Variants in CSNK1G3 observed in about 807,000 individuals in gnomAD.
CSNK1G3 encodes casein kinase I isoform gamma-3.
In CSNK1G3, 23 loss-of-function variants were observed where a neutral mutation model predicts 64.3. The ratio of observed to expected loss-of-function variants is 0.36; its 90% CI spans 0.26 to 0.51. CSNK1G3 has a LOEUF of 0.51. CSNK1G3 is among the 20% of genes least tolerant of loss of function. The probability of loss-of-function intolerance (pLI) is 0.96; values close to 1 mark genes in which losing one functional copy is unlikely to be tolerated. For missense variants in CSNK1G3, 357 were observed against 510.5 expected (o/e 0.70, Z 2.90); for synonymous variants, 158 against 162.2 (o/e 0.97, Z 0.20).
At chr5:123,552,011 T>C (rs1423317633) in intron 2 of CSNK1G3, among the ~76,000 whole-genome samples, 1 of 152,220 alleles carries the variant, frequency 6.6e-6, no homozygotes, top group Non-Finnish European at 1.5e-5. Context: ...TGGAATTTTC[T>C]AGATTATTTT....
At chr5:123,608,511 T>G (rs1795757168) in intron 12 of CSNK1G3, among the ~76,000 whole-genome samples, 1 of 152,178 alleles carries the variant, frequency 6.6e-6, no homozygotes, top group Non-Finnish European at 1.5e-5. Flanking sequence ...TTTAGTTTAA[T>G]TATTTACTTT....
intron 1 of CSNK1G3, among the ~76,000 whole-genome samples, chr5:123,533,725 G>A (rs1364187783): frequency 1.3e-5 from 2 of 151,668 alleles, no homozygotes; most frequent in Non-Finnish European, 2.9e-5. Flanking sequence ...AAAAGCCCTT[G>A]GGGGCTAATT....
chr5:123,557,440 G>A (rs1160945441), intron 3 of CSNK1G3, 55 bp from the exon 4 acceptor site: 26 of 1,309,888 alleles, frequency 2.0e-5, no homozygotes, highest in Admixed American at 9.2e-5. Context: ...TTTGTGTTGG[G>A]ACCTAGTGCT....
chr5:123,533,083 T>A (rs1447846391), intron 1 of CSNK1G3, among the ~76,000 whole-genome samples: 10 of 151,950 alleles, frequency 6.6e-5, no homozygotes, highest in Admixed American at 5.9e-4. Flanking sequence ...GGGTAGTTAT[T>A]AAGTTTACTT....
chr5:123,512,384 CCT>C (rs1215938220), exon 1 of CSNK1G3: 3 of 151,992 alleles, frequency 2.0e-5, no homozygotes, highest in African/African-American at 4.8e-5. Flanking sequence ...CGCTGCGTTA[CCT>C]CTCTCTCTCG....
chr5:123,606,298 C>T (rs1457298079), intron 12 of CSNK1G3, among the ~76,000 whole-genome samples: 2 of 151,748 alleles, frequency 1.3e-5, no homozygotes, highest in African/African-American at 2.4e-5. Flanking sequence ...GAAATAAATC[C>T]GTGAAAGTAT....
chr5:123,553,037 A>C (rs1783990319), intron 2 of CSNK1G3, 70 bp from the exon 3 acceptor site: 2 of 821,096 alleles, frequency 2.4e-6, no homozygotes, highest in Middle Eastern at 2.5e-4. Context: ...TTTTTTTCAG[A>C]GTACAGTTTT....
intron 3 of CSNK1G3, 118 bp from the exon 4 acceptor site, chr5:123,557,377 G>A: frequency 4.5e-6 from 3 of 659,960 alleles, no homozygotes; most frequent in Non-Finnish European, 7.9e-6. Flanking sequence ...CTTAGACAAA[G>A]ATGCCTGGTA....
Position 123,603,741 on chromosome 5 carries a change from A to C in CSNK1G3, c.1087-983A>C, listed in dbSNP as rs201953431. On this transcript the variant is annotated intron_variant, in intron 10 of 12. Coordinates refer to ENST00000345990, the Ensembl canonical transcript of CSNK1G3. ...AATAAGTAGGAAGAGAATTCTAGGC[A>C]GTGACAATAGGTAATGCCAAGGCCT... Among the ~76,000 whole-genome samples, 21 of 152,256 alleles carry C rather than the reference A, an allele frequency of 1.4e-4. No homozygotes were observed. The East Asian group carries it at 3.7e-3, about 27-fold the overall frequency.
chr5:123,604,586 T>C lies in CSNK1G3; in HGVS notation c.1087-138T>C. The C allele has an allele frequency of 8.1e-6, 4 of 493,658 alleles. No homozygotes were observed. The South Asian group carries it at 1.4e-4, about 18-fold the overall frequency. 30.6% of individuals were successfully genotyped at this position (493,658 alleles called of 1,614,324 possible). A position where few individuals can be genotyped will look rare whatever the true frequency, so the allele number is the denominator to read the frequency against. On this transcript the variant is annotated intron_variant, in intron 10 of 12. Transcript: ENST00000345990. The stretch of plus-strand genomic sequence containing the variant: ...AGTTATGAACAGCTACATATTGTTT[T>C]GTGTTCCTCACATTAACTTTCTAAT...
At chr5:123,533,141 A>G (rs1034197151) in intron 1 of CSNK1G3, among the ~76,000 whole-genome samples, 1 of 151,630 alleles carries the variant, frequency 6.6e-6, no homozygotes, top group Non-Finnish European at 1.5e-5. Context: ...TTACATCTCT[A>G]TTTCTTGTTT....
At chr5:123,544,850 G>A (rs978720099) in intron 1 of CSNK1G3, among the ~76,000 whole-genome samples, 2 of 151,812 alleles carry the variant, frequency 1.3e-5, no homozygotes, top group Non-Finnish European at 2.9e-5. Context: ...AGAATTAATT[G>A]TTTTCTTTGA....
At chr5:123,566,214 T>G (rs1786841901) in intron 4 of CSNK1G3, among the ~76,000 whole-genome samples, 1 of 152,160 alleles carries the variant, frequency 6.6e-6, no homozygotes, top group Non-Finnish European at 1.5e-5. Flanking sequence ...TACCAACATA[T>G]AAAATGAGAT....
intron 4 of CSNK1G3, among the ~76,000 whole-genome samples, chr5:123,569,552 C>G (rs1436487302): frequency 6.6e-6 from 1 of 152,190 alleles, no homozygotes; most frequent in Non-Finnish European, 1.5e-5. Flanking sequence ...CACTACCCAA[C>G]ATTAAATCAT....
chr5:123,587,905 T>C (rs1053551853), intron 6 of CSNK1G3, among the ~76,000 whole-genome samples, 163 bp from the exon 7 acceptor site: 3 of 152,184 alleles, frequency 2.0e-5, no homozygotes, highest in African/African-American at 7.2e-5. Context: ...AAACATTATT[T>C]ATATAGATAT....
chr5:123,543,462 C>G (rs941928235), intron 1 of CSNK1G3, among the ~76,000 whole-genome samples: 1 of 151,962 alleles, frequency 6.6e-6, no homozygotes, highest in African/African-American at 2.4e-5. Context: ...TAGACTATTC[C>G]CTTGTACACA....
At chr5:123,513,108 G>C (rs1217290690) in intron 1 of CSNK1G3, among the ~76,000 whole-genome samples, 1 of 151,986 alleles carries the variant, frequency 6.6e-6, no homozygotes, top group African/African-American at 2.4e-5. Flanking sequence ...TTGGGTGGGG[G>C]GACACAGGGA....
chr5:123,533,980 T>G (rs191463945), intron 1 of CSNK1G3, among the ~76,000 whole-genome samples: 3 of 151,874 alleles, frequency 2.0e-5, no homozygotes, highest in African/African-American at 7.2e-5. Flanking sequence ...TTCTCTGCTG[T>G]TTTTTTTCTT....
At chr5:123,585,348 A>G (rs2150906426) in intron 6 of CSNK1G3, among the ~76,000 whole-genome samples, 1 of 152,272 alleles carries the variant, frequency 6.6e-6, no homozygotes, top group East Asian at 1.9e-4. Flanking sequence ...AAATGTAGGA[A>G]CCATAACTAT....
Sources: gnomAD v4.1 joint callset for allele counts (sites outside exome capture counted in the v4.1 genomes callset) on GRCh38, gnomAD v4.1.1 for gene constraint, MANE v1.5 for transcripts, NCBI Gene and HGNC (gene_info 2026-07-23, HGNC 2026-07-21) for gene names.